SLC4A4: variants seen among roughly 807,000 people sequenced by gnomAD.
SLC4A4 encodes the protein electrogenic sodium bicarbonate cotransporter 1.
In SLC4A4, 27 loss-of-function variants were observed where a neutral mutation model predicts 111.5. The observed-to-expected ratio is 0.24, with a 90% CI of 0.18 to 0.33. The LOEUF (loss-of-function observed/expected upper bound fraction) is 0.33, where lower values mean the gene tolerates loss of function less well. SLC4A4 is among the 10% of genes least tolerant of loss of function. The probability of loss-of-function intolerance (pLI) is 1.00; values close to 1 mark genes in which losing one functional copy is unlikely to be tolerated. For missense variants in SLC4A4, 909 were observed against 1,315.5 expected, an observed-to-expected ratio of 0.69 and a Z score of 4.78; for synonymous variants, 443 against 463.4, an observed-to-expected ratio of 0.96 and a Z score of 0.57.
intron 2 of SLC4A4, among the ~76,000 whole-genome samples, chr4:71,123,777 G>A (rs770499770): frequency 4.6e-5 from 7 of 152,050 alleles, no homozygotes; most frequent in African/African-American, 1.2e-4. Flanking sequence ...ATTTTTTTGC[G>A]CCAAATCATT....
intron 6 of SLC4A4, among the ~76,000 whole-genome samples, chr4:71,358,992 T>C (rs1730525759): frequency 6.6e-6 from 1 of 152,216 alleles, no homozygotes; most frequent in East Asian, 1.9e-4. Context: ...CAAATACTGC[T>C]ATATTTTCAA....
Position 71,470,992 on chromosome 4 carries a change from A to G in SLC4A4, c.1632-1707A>G, listed in dbSNP as rs982831068. 1.6e-4 allele frequency among the ~76,000 whole-genome samples: 25 copies of G among 152,154 alleles called. No individual in the cohort carries two copies. In the East Asian group the frequency reaches 4.1e-3, roughly 25 times the overall value. ...TATTTCTCAAAAGACACCCTAACAG[A>G]AACACCCAGAATAATGTTTGACCAA... On this transcript the variant is annotated intron_variant, in intron 13 of 25. Coordinates refer to ENST00000264485, the MANE Select transcript of SLC4A4 (RefSeq NM_001098484.3).
At chr4:71,411,176 G>A (rs1012788477) in intron 7 of SLC4A4, among the ~76,000 whole-genome samples, 4 of 152,050 alleles carry the variant, frequency 2.6e-5, no homozygotes, top group South Asian at 2.1e-4. Context: ...GTTTTCTCCC[G>A]TCCTGACTTT....
At chr4:71,156,116 A>T (rs1744455842) in intron 2 of SLC4A4, among the ~76,000 whole-genome samples, 1 of 152,204 alleles carries the variant, frequency 6.6e-6, no homozygotes, top group Non-Finnish European at 1.5e-5. Flanking sequence ...ACTTGTGGGA[A>T]TGATGATGCA....
intron 3 of SLC4A4, among the ~76,000 whole-genome samples, chr4:71,267,062 A>G (rs533244171): frequency 6.6e-6 from 1 of 152,296 alleles, no homozygotes; most frequent in East Asian, 1.9e-4. Flanking sequence ...TATTTATTGA[A>G]GGTCTACACC....
intron 2 of SLC4A4, among the ~76,000 whole-genome samples, chr4:71,164,857 G>GA (rs979706826): frequency 2.7e-5 from 4 of 149,994 alleles, no homozygotes; most frequent in Admixed American, 6.6e-5. Context: ...AAATTTACAA[G>GA]AAAAAAACAA....
chr4:71,301,759 C>T (rs929120338), intron 3 of SLC4A4, among the ~76,000 whole-genome samples: 1 of 152,224 alleles, frequency 6.6e-6, no homozygotes, highest in African/African-American at 2.4e-5. Context: ...GCCACCACAG[C>T]CAGCCAGGAA....
At chr4:71,492,075 C>T (rs911044761) in intron 15 of SLC4A4, among the ~76,000 whole-genome samples, 4 of 151,500 alleles carry the variant, frequency 2.6e-5, no homozygotes, top group African/African-American at 9.7e-5. Context: ...TATTAATATT[C>T]TTGTGCAAAG....
intron 2 of SLC4A4, among the ~76,000 whole-genome samples, chr4:71,167,296 G>A (rs552461949): frequency 1.3e-5 from 2 of 152,208 alleles, no homozygotes; most frequent in Admixed American, 1.3e-4. Context: ...AGGACAATTG[G>A]GTTTCTTATA....
intron 4 of SLC4A4, among the ~76,000 whole-genome samples, chr4:71,340,822 GTATT>G (rs1326373509): frequency 2.6e-5 from 4 of 151,974 alleles, no homozygotes; most frequent in Non-Finnish European, 5.9e-5. Flanking sequence ...AGTATACAAT[GTATT>G]TATAATGTCA....
chr4:71,249,636 C>T (rs1480257783), intron 2 of SLC4A4, among the ~76,000 whole-genome samples: 10 of 152,120 alleles, frequency 6.6e-5, no homozygotes, highest in African/African-American at 9.7e-5. Flanking sequence ...TGCCTGTAAT[C>T]CTAGCACTTT....
chr4:71,220,590 T>C (rs1436544186), intron 1 of SLC4A4, among the ~76,000 whole-genome samples: 1 of 152,206 alleles, frequency 6.6e-6, no homozygotes, highest in African/African-American at 2.4e-5. Context: ...TCAAAATAGT[T>C]TTTTAAACAG....
At chr4:71,379,138 C>T (rs377309666) in intron 6 of SLC4A4, among the ~76,000 whole-genome samples, 1 of 152,164 alleles carries the variant, frequency 6.6e-6, no homozygotes, top group Non-Finnish European at 1.5e-5. Flanking sequence ...GAAGGATCTA[C>T]GTTATGAACG....
chr4:71,068,289 T>A (rs1741581753), intron 1 of SLC4A4, among the ~76,000 whole-genome samples: 1 of 152,072 alleles, frequency 6.6e-6, no homozygotes, highest in Non-Finnish European at 1.5e-5. Flanking sequence ...GGTCTCGAAC[T>A]CCTGACCTCA....
chr4:71,177,304 A>G (rs1455055511), intron 2 of SLC4A4, among the ~76,000 whole-genome samples: 26 of 152,170 alleles, frequency 1.7e-4, no homozygotes, highest in Admixed American at 1.7e-3. Flanking sequence ...CATCATAATG[A>G]CAGGATCAAA....
intron 11 of SLC4A4, 85 bp from the exon 12 acceptor site, chr4:71,453,410 G>A: frequency 7.9e-7 from 1 of 1,273,346 alleles, no homozygotes; most frequent in Admixed American, 1.7e-5. Context: ...TAAATATGTT[G>A]TGTTTGATTT....
intron 3 of SLC4A4, among the ~76,000 whole-genome samples, chr4:71,295,265 G>A (rs887933714): frequency 1.3e-5 from 2 of 152,112 alleles, no homozygotes; most frequent in Non-Finnish European, 2.9e-5. Context: ...CGGAACTGTT[G>A]CTGTATCTCT....
At chr4:71,306,356 G>A (rs1317003272) in intron 3 of SLC4A4, among the ~76,000 whole-genome samples, 1 of 152,196 alleles carries the variant, frequency 6.6e-6, no homozygotes, top group African/African-American at 2.4e-5. Context: ...GCTGAGGCGG[G>A]TGGATCATGA....
At chr4:71,368,695 A>G (rs1731566415) in intron 6 of SLC4A4, among the ~76,000 whole-genome samples, 1 of 152,210 alleles carries the variant, frequency 6.6e-6, no homozygotes, top group South Asian at 2.1e-4. Flanking sequence ...TCTTGATCTT[A>G]CATCCTGAGA....
Sources: gnomAD v4.1 joint callset for allele counts (sites outside exome capture counted in the v4.1 genomes callset) on GRCh38, gnomAD v4.1.1 for gene constraint, MANE v1.5 for transcripts, NCBI Gene and HGNC (gene_info 2026-07-23, HGNC 2026-07-21) for gene names.